The following ELP4 variants were observed in gnomAD, a reference collection of about 807,000 sequenced individuals.
ELP4 encodes the protein elongator complex protein 4.
A neutral mutation model predicts 48.9 loss-of-function variants in ELP4; 51 were observed. That is an observed-to-expected ratio of 1.04 (90% CI 0.83 to 1.32). ELP4 has a LOEUF of 1.32. ELP4 is among the 40% of genes most tolerant of loss of function. The probability of loss-of-function intolerance (pLI) is 0.00; values close to 1 mark genes in which losing one functional copy is unlikely to be tolerated. For missense variants in ELP4, 519 were observed against 514.6 expected (o/e 1.01, Z -0.08); for synonymous variants, 210 against 189.2 (o/e 1.11, Z -0.90).
intron 3 of ELP4, among the ~76,000 whole-genome samples, chr11:31,588,099 C>T (rs1957508502): frequency 6.6e-6 from 1 of 152,080 alleles, no homozygotes; most frequent in African/African-American, 2.4e-5. Flanking sequence ...CATAAACTAT[C>T]ATATTGTTTA....
At chr11:31,635,461 A>T (rs1228399593) in intron 7 of ELP4, among the ~76,000 whole-genome samples, 1 of 151,942 alleles carries the variant, frequency 6.6e-6, no homozygotes, top group Non-Finnish European at 1.5e-5. Flanking sequence ...TCCTATTACC[A>T]TAATCTTAAC....
chr11:31,628,888 A>G (rs1944802270), intron 6 of ELP4, among the ~76,000 whole-genome samples: 1 of 152,132 alleles, frequency 6.6e-6, no homozygotes, highest in South Asian at 2.1e-4. Flanking sequence ...AAATACGCCT[A>G]TAAGGCACTA....
At chr11:31,738,458 G>A (rs1298376977) in intron 9 of ELP4, among the ~76,000 whole-genome samples, 2 of 151,458 alleles carry the variant, frequency 1.3e-5, no homozygotes, top group Non-Finnish European at 2.9e-5. Context: ...AAAAAGCCAG[G>A]CATAGTGGCC....
intron 2 of ELP4, among the ~76,000 whole-genome samples, chr11:31,527,617 GT>G (rs1327279588): frequency 2.0e-5 from 3 of 151,954 alleles, no homozygotes; most frequent in African/African-American, 7.2e-5. Context: ...TTTAAATATT[GT>G]GTTAATTTTG....
rs371325307 is a variant in ELP4 at position 31,768,945 on chromosome 11, G to A, written c.1144-14448G>A. On this transcript the variant is annotated intron_variant, in intron 9 of 9. Transcript: ENST00000640961. ...TTTGGGCAGCACATGCTTCGGTTCT[G>A]AATGCCCAGAAATACTTCGCAGACA... Among the ~76,000 whole-genome samples, 11 of 152,298 alleles carry A rather than the reference G, an allele frequency of 7.2e-5. No homozygotes were observed. In the East Asian group the frequency reaches 1.4e-3, roughly 19 times the overall value.
At position 31,551,584 on chromosome 11, in the gene ELP4, A is replaced by G. The variant is rs1218125406; in HGVS notation, c.381+11801A>G. Among the ~76,000 whole-genome samples the G allele has an allele frequency of 2.0e-5, 3 of 152,196 alleles. No homozygotes were observed. The East Asian group carries it at 5.8e-4, about 29-fold the overall frequency. On this transcript the variant is annotated intron_variant, in intron 3 of 9. Transcript: ENST00000640961. ...TATTTTGGTGCAGAAAAGTTTTGGA[A>G]GTTATGCATGGTTTTTTTCACAATA...
At chr11:31,584,304 A>T (rs990834302) in intron 3 of ELP4, among the ~76,000 whole-genome samples, 19 of 152,042 alleles carry the variant, frequency 1.2e-4, no homozygotes, top group Admixed American at 8.5e-4. Context: ...AAAGGTTGAG[A>T]ATATCAAAAT....
chr11:31,746,451 C>T (rs529677497), intron 9 of ELP4, among the ~76,000 whole-genome samples: 74 of 152,096 alleles, frequency 4.9e-4, no homozygotes, highest in Non-Finnish European at 8.5e-4. Flanking sequence ...GTGTTTATTG[C>T]GTCACTATTC....
At chr11:31,705,376 A>G (rs909365246) in intron 9 of ELP4, among the ~76,000 whole-genome samples, 2 of 152,198 alleles carry the variant, frequency 1.3e-5, no homozygotes, top group African/African-American at 4.8e-5. Flanking sequence ...CCACTGTCAA[A>G]TACCATTAAC....
chr11:31,604,793 T>C (rs773426937), intron 5 of ELP4, among the ~76,000 whole-genome samples: 5 of 151,908 alleles, frequency 3.3e-5, no homozygotes, highest in African/African-American at 1.2e-4. Context: ...TCCAAAAATG[T>C]TCACTTTATT....
chr11:31,595,124 G>T (rs1453387892), intron 4 of ELP4, among the ~76,000 whole-genome samples: 1 of 152,090 alleles, frequency 6.6e-6, no homozygotes, highest in Non-Finnish European at 1.5e-5. Flanking sequence ...TGCCCATATA[G>T]AATGCTTTAT....
chr11:31,571,420 A>G (rs181002534), intron 3 of ELP4, among the ~76,000 whole-genome samples: 28 of 152,254 alleles, frequency 1.8e-4, no homozygotes, highest in Non-Finnish European at 3.5e-4. Flanking sequence ...TGCTCTTTCT[A>G]TCACATCTGC....
chr11:31,745,573 C>T (rs1212948636), intron 9 of ELP4, among the ~76,000 whole-genome samples: 1 of 152,172 alleles, frequency 6.6e-6, no homozygotes, highest in African/African-American at 2.4e-5. Flanking sequence ...ACAGAGCCCT[C>T]AGAAATAATA....
intron 9 of ELP4, chr11:31,653,390 C>A (rs1248755215): frequency 6.6e-6 from 1 of 151,712 alleles, no homozygotes; most frequent in African/African-American, 2.4e-5. Context: ...ACTACTTATT[C>A]CTTGATCTTA....
At position 31,509,885 on chromosome 11, in the gene ELP4, C is replaced by T. The variant is rs750347471; in HGVS notation, c.101C>T (p.Pro34Leu). 6.2e-7 allele frequency: 1 copy of T among 1,614,150 alleles called. No homozygotes were observed. The highest frequency in any genetic ancestry group is 1.7e-5 in the Admixed American group (1 of 60,030). ...SNVTSFQRRG[P>L]RASVTNDSGP... ...GTCACCAGTTTCCAGAGGAGGGGTC[C>T]TAGAGCCAGCGTGACCAACGACAGC... The change falls in exon 1 of 10, where the codon CCT (proline) becomes CTT (leucine). Residue 34 changes from proline (P) to leucine (L), a missense_variant. Coordinates refer to ENST00000640961, the MANE Select transcript of ELP4 (RefSeq NM_019040.5).
At chr11:31,591,422 A>AGGGGGGG (rs35637930) in intron 3 of ELP4, among the ~76,000 whole-genome samples, 1 of 76,566 alleles carries the variant, frequency 1.3e-5, no homozygotes, top group African/African-American at 6.4e-5. Context: ...AAAAAAAAAA[A>AGGGGGGG]GGGGGGGGGG....
At chr11:31,657,582 T>A (rs1412666271) in intron 9 of ELP4, among the ~76,000 whole-genome samples, 1 of 152,020 alleles carries the variant, frequency 6.6e-6, no homozygotes, top group African/African-American at 2.4e-5. Flanking sequence ...TAAGTTTCTT[T>A]AAAAACATAT....
chr11:31,582,891 G>C (rs1249032866), intron 3 of ELP4, among the ~76,000 whole-genome samples: 1 of 152,110 alleles, frequency 6.6e-6, no homozygotes, highest in Non-Finnish European at 1.5e-5. Context: ...AACTGTGGTG[G>C]GGGCGGGGTG....
chr11:31,628,830 G>GTA (rs1189214620), intron 6 of ELP4, among the ~76,000 whole-genome samples: 1 of 151,864 alleles, frequency 6.6e-6, no homozygotes, highest in Non-Finnish European at 1.5e-5. Flanking sequence ...AAATTACTTA[G>GTA]TATATATATC....
Sources: gnomAD v4.1 joint callset for allele counts (sites outside exome capture counted in the v4.1 genomes callset) on GRCh38, gnomAD v4.1.1 for gene constraint, MANE v1.5 for transcripts, NCBI Gene and HGNC (gene_info 2026-07-23, HGNC 2026-07-21) for gene names.